The following ADGRV1 variants were observed in gnomAD, a reference collection of about 807,000 sequenced individuals.
The protein encoded by ADGRV1 is adhesion G protein-coupled receptor V1.
Under a neutral mutation model 596.2 loss-of-function variants are expected in ADGRV1, and 359 were observed. The observed-to-expected ratio is 0.60, with a 90% CI of 0.55 to 0.66. The LOEUF is 0.66. ADGRV1 is among the 30% of genes least tolerant of loss of function. The probability of loss-of-function intolerance (pLI) is 0.00; values close to 1 mark genes in which losing one functional copy is unlikely to be tolerated. For synonymous variants in ADGRV1, 2,681 were observed against 2,679.2 expected (o/e 1.00, Z -0.02); for missense variants, 7,274 against 7,575.6 (o/e 0.96, Z 1.48).
At chr5:91,115,402 C>A (rs997697532) in intron 87 of ADGRV1, among the ~76,000 whole-genome samples, 2 of 152,132 alleles carry the variant, frequency 1.3e-5, no homozygotes, top group South Asian at 4.1e-4. Context: ...TTAGTGGATA[C>A]CTTTTAAGGC....
intron 60 of ADGRV1, among the ~76,000 whole-genome samples, chr5:90,775,500 A>C (rs1249281453): frequency 1.3e-5 from 2 of 152,172 alleles, no homozygotes; most frequent in Non-Finnish European, 2.9e-5. Flanking sequence ...TTTTTGAGGC[A>C]GGGTCTTGCT....
chr5:90,766,305 T>C (rs890157827), intron 59 of ADGRV1, among the ~76,000 whole-genome samples: 1 of 151,378 alleles, frequency 6.6e-6, no homozygotes, highest in Non-Finnish European at 1.5e-5. Context: ...GCAAAGCCAA[T>C]CAACCACGCT....
At chr5:90,676,643 A>G (rs949609358) in intron 25 of ADGRV1, 1 of 156,876 alleles carries the variant, frequency 6.4e-6, no homozygotes, top group Non-Finnish European at 1.4e-5. Context: ...ATATTTTTCT[A>G]GAAGAGACGT....
intron 83 of ADGRV1, among the ~76,000 whole-genome samples, chr5:90,883,290 C>T (rs994616198): frequency 6.6e-6 from 1 of 152,128 alleles, no homozygotes; most frequent in African/African-American, 2.4e-5. Context: ...CCTAGAATAG[C>T]TCCATGGTAT....
chr5:90,644,128 CAT>C, intron 14 of ADGRV1, 145 bp downstream of exon 14: 1 of 579,600 alleles, frequency 1.7e-6, no homozygotes, highest in Non-Finnish European at 3.0e-6. Flanking sequence ...TTTTTAGAAT[CAT>C]ATTTAGGACC....
intron 1 of ADGRV1, among the ~76,000 whole-genome samples, chr5:90,568,706 G>A (rs907237455): frequency 6.6e-6 from 1 of 151,926 alleles, no homozygotes; most frequent in African/African-American, 2.4e-5. Flanking sequence ...TTGAACATGG[G>A]GTACTAAAGT....
rs765435845 is a variant in ADGRV1 at position 90,708,845 on chromosome 5, C to T, written c.8760C>T (p.Phe2920=). The change falls in exon 39 of 90, where the codon TTC becomes TTT. Residue 2920 remains phenylalanine, a synonymous_variant. Transcript: ENST00000405460. Reference sequence around the variant, plus strand: ...ATGTACCAGAGCTAGAAGAATATTTCCTGGTGAATTTAACTTACGTTGGAC... The same window carrying T: ...ATGTACCAGAGCTAGAAGAATATTTTCTGGTGAATTTAACTTACGTTGGAC... ...EDDVPELEEY[F]LVNLTYVGLT... The T allele has an allele frequency of 2.5e-6, 4 of 1,611,190 alleles. No homozygotes were observed. The highest frequency in any genetic ancestry group is 3.4e-6 in the Non-Finnish European group (4 of 1,178,126).
In ADGRV1 at chr5:90,694,068, A is replaced by C; in HGVS notation, c.7312A>C (p.Thr2438Pro). The stretch of plus-strand genomic sequence containing the variant: ...CTCTGCCGTGGGGGAGCCCCTGTAT[A>C]CCTGTGCCACTTTGTGCCTTAAGGA... ...NVSAVGEPLY[T>P]CATLCLKEQA... The change falls in exon 33 of 90, where the codon ACC (threonine) becomes CCC (proline). Residue 2438 changes from threonine to proline, a missense_variant. Physicochemically the swap from Thr to Pro is conservative, Grantham distance 38. Coordinates refer to ENST00000405460, the MANE Select transcript of ADGRV1 (RefSeq NM_032119.4). 1 of 1,613,766 alleles carries C rather than the reference A, an allele frequency of 6.2e-7. No individual in the cohort carries two copies. Among genetic ancestry groups the C allele is most frequent in the Non-Finnish European group, 8.5e-7 (1 of 1,179,828 alleles).
intron 59 of ADGRV1, among the ~76,000 whole-genome samples, chr5:90,772,895 G>A (rs1043098094): frequency 5.3e-5 from 8 of 152,056 alleles, no homozygotes; most frequent in Admixed American, 1.3e-4. Flanking sequence ...GTCTGATAGC[G>A]GTGGCTCATG....
chr5:90,803,016 A>C (rs892020805), intron 71 of ADGRV1, 134 bp downstream of exon 71: 6 of 601,774 alleles, frequency 1.0e-5, no homozygotes, highest in Non-Finnish European at 1.6e-5. Context: ...GTGAATATCA[A>C]AGTAGATGTA....
chr5:90,694,326 G>A lies in ADGRV1; in HGVS notation c.7570G>A (p.Val2524Met), dbSNP rs187384843. ...AGGTGATGAATTCGCAAATCTCACA[G>A]TGTCTATTCTTCCTGATGATTTCCC... ...QEGDEFANLTVSILPDDFPEM... is the reference protein window; with the variant it reads ...QEGDEFANLTMSILPDDFPEM... The change falls in exon 33 of 90, where the codon GTG becomes ATG. Residue 2524 changes from valine to methionine, a missense_variant. By Grantham distance (21) the Val-to-Met change is conservative. Around this residue, in one of 5 missense-constraint regions of ADGRV1, gnomAD observed 3,643 missense variants for 3,809.2 expected, o/e 0.96. Coordinates refer to ENST00000405460, the MANE Select transcript of ADGRV1 (RefSeq NM_032119.4). 1.2e-6 allele frequency: 2 copies of A among 1,613,990 alleles called. No homozygotes were observed. The highest frequency in any genetic ancestry group is 1.7e-5 in the Admixed American group (1 of 60,000).
At chr5:91,132,620 C>T (rs547924731) in intron 87 of ADGRV1, among the ~76,000 whole-genome samples, 3 of 152,304 alleles carry the variant, frequency 2.0e-5, no homozygotes, top group East Asian at 1.9e-4. Context: ...GTTGTGAATG[C>T]GTAATCAGAA....
In ADGRV1 at chr5:91,032,942, C is replaced by A. The variant is rs76736605; in HGVS notation, c.18153-39505C>A. ...TTTCCTGGCCATTTACTTCAGACTT[C>A]AAGCGTCATTCGTTATTTTAGGTAA... is the stretch of plus-strand genomic sequence containing the variant. On this transcript the variant is annotated intron_variant, in intron 85 of 89. Transcript: ENST00000405460. Among the ~76,000 whole-genome samples the A allele has an allele frequency of 8.3e-3, 1,259 of 152,286 alleles. 18 individuals carry two copies. The highest frequency in any genetic ancestry group is 0.029 in the African/African-American group (1,191 of 41,550).
chr5:91,020,066 AT>A (rs899566674), intron 85 of ADGRV1, among the ~76,000 whole-genome samples: 4 of 146,066 alleles, frequency 2.7e-5, no homozygotes, highest in African/African-American at 1.0e-4. Flanking sequence ...TCTAACTTTA[AT>A]TTTTAAGGCT....
intron 4 of ADGRV1, among the ~76,000 whole-genome samples, chr5:90,620,487 C>T (rs1292133112): frequency 6.6e-6 from 1 of 152,096 alleles, no homozygotes; most frequent in Non-Finnish European, 1.5e-5. Context: ...ATTGTAGATT[C>T]TGGATATTAG....
At chr5:90,719,915 G>T in intron 43 of ADGRV1, 133 bp from the exon 44 acceptor site, 1 of 704,660 alleles carries the variant, frequency 1.4e-6, no homozygotes. Flanking sequence ...ATAGGAATCA[G>T]TATTAAATCA....
chr5:90,711,315 C>A lies in ADGRV1; in HGVS notation c.9035C>A (p.Thr3012Asn). 1 of 1,602,482 alleles carries A rather than the reference C, an allele frequency of 6.2e-7. No individual in the cohort carries two copies. The highest frequency in any genetic ancestry group is 8.5e-7 in the Non-Finnish European group (1 of 1,175,796). The change falls in exon 41 of 90, where the codon ACC becomes AAC. Residue 3012 changes from threonine to asparagine, a missense_variant. Transcript: ENST00000405460. Reference sequence around the variant, plus strand: ...CAAGTGGGGCTGGATTATATCTTCACCCCAATGGTGGGTCTCAAAATCTAT... The same window carrying A: ...CAAGTGGGGCTGGATTATATCTTCAACCCAATGGTGGGTCTCAAAATCTAT... ...EAQVGLDYIFTPMILHFADGE... is the reference protein window; with the variant it reads ...EAQVGLDYIFNPMILHFADGE...
At chr5:90,736,024 G>A (rs755668612) in intron 50 of ADGRV1, among the ~76,000 whole-genome samples, 2 of 152,146 alleles carry the variant, frequency 1.3e-5, no homozygotes, top group African/African-American at 2.4e-5. Flanking sequence ...GAAAGGAAGT[G>A]ACAATAGTGG....
chr5:90,745,556 T>A, intron 51 of ADGRV1, 35 bp from the exon 52 acceptor site: 1 of 1,389,846 alleles, frequency 7.2e-7, no homozygotes, highest in South Asian at 1.2e-5. Flanking sequence ...AAATTTGTTG[T>A]AGTTGACTTA....
Sources: gnomAD v4.1 joint callset for allele counts (sites outside exome capture counted in the v4.1 genomes callset) on GRCh38, gnomAD v4.1.1 for gene constraint, gnomAD v4.1.1 regional missense constraint, MANE v1.5 for transcripts, NCBI Gene and HGNC (gene_info 2026-07-23, HGNC 2026-07-21) for gene names.